IL1RAPL1: variants seen among roughly 807,000 people sequenced by gnomAD.
IL1RAPL1 encodes interleukin 1 receptor accessory protein like 1.
Under a neutral mutation model 48.4 loss-of-function variants are expected in IL1RAPL1, and 3 were observed. That is an observed-to-expected ratio of 0.06 (90% confidence interval 0.03 to 0.16). IL1RAPL1 has a LOEUF of 0.16. IL1RAPL1 is among the 10% of genes least tolerant of loss of function. IL1RAPL1 has a pLI of 1.00. For missense variants in IL1RAPL1, 349 were observed against 530.6 expected (o/e 0.66, Z 3.36); for synonymous variants, 185 against 187.7 (o/e 0.99, Z 0.12).
At chrX:28,792,247 TAATA>T (rs1936546685) in intron 2 of IL1RAPL1, among the ~76,000 whole-genome samples, 1 of 111,814 alleles carries the variant, frequency 8.9e-6, no homozygotes, top group Non-Finnish European at 1.9e-5. Flanking sequence ...CTAGATATTT[TAATA>T]ATTAGGAACA....
intron 1 of IL1RAPL1, among the ~76,000 whole-genome samples, chrX:28,641,732 T>A (rs1283770248): frequency 8.9e-6 from 1 of 111,746 alleles, no homozygotes; most frequent in African/African-American, 3.3e-5. Context: ...CAGCATCTGT[T>A]GTTTCCTGAC....
chrX:29,761,120 C>G (rs1229246219), intron 6 of IL1RAPL1, among the ~76,000 whole-genome samples: 1 of 112,003 alleles, frequency 8.9e-6, no homozygotes, highest in East Asian at 2.8e-4. Context: ...AACTTTGAAT[C>G]TGAAATCAGA....
chrX:29,010,440 T>C (rs1411196508), intron 2 of IL1RAPL1, among the ~76,000 whole-genome samples: 1 of 111,333 alleles, frequency 9.0e-6, no homozygotes, highest in Non-Finnish European at 1.9e-5. Flanking sequence ...TTCCGGAGGG[T>C]TTTTATCATG....
chrX:29,786,357 G>T (rs995916241), intron 6 of IL1RAPL1, among the ~76,000 whole-genome samples: 5 of 111,171 alleles, frequency 4.5e-5, no homozygotes, highest in African/African-American at 1.6e-4. Context: ...GAAACCCTGG[G>T]GAAGGGTGTA....
intron 2 of IL1RAPL1, among the ~76,000 whole-genome samples, chrX:29,214,132 A>G (rs1930821726): frequency 9.0e-6 from 1 of 111,633 alleles, no homozygotes; most frequent in Non-Finnish European, 1.9e-5. Flanking sequence ...AATGGTTTCT[A>G]TATGTCAACC....
chrX:28,840,901 A>G (rs1209841257), intron 2 of IL1RAPL1, among the ~76,000 whole-genome samples: 1 of 110,751 alleles, frequency 9.0e-6, no homozygotes, highest in East Asian at 2.8e-4. Flanking sequence ...ATGGAACCTA[A>G]TTTCCAATGG....
chrX:29,578,120 A>G (rs1356024734), intron 5 of IL1RAPL1, among the ~76,000 whole-genome samples: 1 of 111,892 alleles, frequency 8.9e-6, no homozygotes, highest in Non-Finnish European at 1.9e-5. Context: ...GACAATAGTT[A>G]TAAGAAAAAG....
chrX:28,922,352 A>G (rs914144355), intron 2 of IL1RAPL1, among the ~76,000 whole-genome samples: 3 of 112,117 alleles, frequency 2.7e-5, no homozygotes, highest in Non-Finnish European at 5.6e-5. Context: ...CCTTCTTAAA[A>G]GGAAGCAAAA....
chrX:29,369,968 T>TAA (rs1933521629), intron 3 of IL1RAPL1: 1 of 112,073 alleles, frequency 8.9e-6, no homozygotes, highest in South Asian at 3.7e-4. Context: ...CCTTTTTTAT[T>TAA]TAGAGTTTTA....
intron 2 of IL1RAPL1, among the ~76,000 whole-genome samples, chrX:28,804,860 G>A (rs1206808524): frequency 9.0e-6 from 1 of 111,369 alleles, no homozygotes; most frequent in African/African-American, 3.3e-5. Flanking sequence ...TATTAGAGTA[G>A]CTTTTACATA....
chrX:28,638,486 G>A (rs1363127564), intron 1 of IL1RAPL1, among the ~76,000 whole-genome samples: 1 of 110,097 alleles, frequency 9.1e-6, no homozygotes, highest in Non-Finnish European at 1.9e-5. Flanking sequence ...AGGTTCCTCT[G>A]TAATTCTATT....
chrX:29,899,764 G>C (rs1601873086), intron 6 of IL1RAPL1, among the ~76,000 whole-genome samples: 1 of 109,370 alleles, frequency 9.1e-6, no homozygotes, highest in Admixed American at 9.8e-5. Flanking sequence ...GGTTGGTCTC[G>C]AACTCCTGAC....
intron 6 of IL1RAPL1, among the ~76,000 whole-genome samples, chrX:29,900,570 A>C (rs1386790444): frequency 8.9e-6 from 1 of 112,006 alleles, no homozygotes; most frequent in African/African-American, 3.2e-5. Flanking sequence ...ATTACCCCTA[A>C]ATAAACCAAG....
intron 6 of IL1RAPL1, among the ~76,000 whole-genome samples, chrX:29,804,936 C>T (rs183100346): frequency 1.7e-4 from 19 of 111,989 alleles, no homozygotes; most frequent in Non-Finnish European, 3.2e-4. Context: ...TAATTAAATA[C>T]ATGTTATTAT....
intron 2 of IL1RAPL1, among the ~76,000 whole-genome samples, chrX:29,187,576 A>G (rs1450416328): frequency 9.0e-6 from 1 of 111,641 alleles, no homozygotes; most frequent in Non-Finnish European, 1.9e-5. Flanking sequence ...CATTGCTCTG[A>G]AAGGAGACAC....
At chrX:28,954,402 A>AT (rs773580829) in intron 2 of IL1RAPL1, among the ~76,000 whole-genome samples, 1 of 109,721 alleles carries the variant, frequency 9.1e-6, no homozygotes, top group Non-Finnish European at 1.9e-5. Context: ...TTAATTTCTA[A>AT]TTTTTTTTCT....
intron 2 of IL1RAPL1, among the ~76,000 whole-genome samples, chrX:29,128,479 C>T (rs1305961101): frequency 9.0e-6 from 1 of 111,602 alleles, no homozygotes; most frequent in Non-Finnish European, 1.9e-5. Flanking sequence ...TCCCCAAGCA[C>T]CTTCTGTCTC....
In IL1RAPL1 at chrX:29,545,898, C is replaced by A. The variant is rs1426760512; in HGVS notation, c.704-122532C>A. ...CTTAATGTTACTTACAGGATAAAGT[C>A]TATTTTTCTCCCTTCTGAGTATTGC... On this transcript the variant is annotated intron_variant, in intron 5 of 10. Coordinates refer to ENST00000378993, the MANE Select transcript of IL1RAPL1 (RefSeq NM_014271.4). Among the ~76,000 whole-genome samples, 3 of 111,937 alleles carry A rather than the reference C, an allele frequency of 2.7e-5. No homozygotes were observed. In the Admixed American group the frequency reaches 2.9e-4, roughly 11 times the overall value.
chrX:29,502,204 A>G (rs921323213), intron 5 of IL1RAPL1, among the ~76,000 whole-genome samples: 1 of 111,381 alleles, frequency 9.0e-6, no homozygotes, highest in African/African-American at 3.3e-5. Context: ...GAATTTACCA[A>G]TTCTAACAGT....
Sources: gnomAD v4.1 joint callset for allele counts (sites outside exome capture counted in the v4.1 genomes callset) on GRCh38, gnomAD v4.1.1 for gene constraint, MANE v1.5 for transcripts, NCBI Gene and HGNC (gene_info 2026-07-23, HGNC 2026-07-21) for gene names.